The following EXT1 variants were observed in gnomAD, a reference collection of about 807,000 sequenced individuals.
EXT1 encodes exostosin-1.
EXT1 carries 20 observed loss-of-function variants against 82.5 expected under a neutral mutation model. The ratio of observed to expected loss-of-function variants is 0.24; its 90% CI spans 0.17 to 0.35. EXT1 has a LOEUF of 0.35. EXT1 is among the 10% of genes least tolerant of loss of function. EXT1 has a pLI of 1.00. For synonymous variants in EXT1, 348 were observed against 350.8 expected, an observed-to-expected ratio of 0.99 and a Z score of 0.09; for missense variants, 757 against 936.5, an observed-to-expected ratio of 0.81 and a Z score of 2.50.
At chr8:118,068,976 C>T (rs1189750698) in intron 1 of EXT1, among the ~76,000 whole-genome samples, 2 of 152,166 alleles carry the variant, frequency 1.3e-5, no homozygotes, top group Non-Finnish European at 2.9e-5. Flanking sequence ...ATCACGTGAA[C>T]AAGCTAATCT....
chr8:117,924,044 T>A (rs1813909332), intron 1 of EXT1, among the ~76,000 whole-genome samples: 1 of 152,194 alleles, frequency 6.6e-6, no homozygotes, highest in African/African-American at 2.4e-5. Flanking sequence ...GACTCTTGGA[T>A]TAGAGGAATT....
chr8:117,980,698 G>GTTTTTTT (rs1330631748), intron 1 of EXT1, among the ~76,000 whole-genome samples: 1 of 43,848 alleles, frequency 2.3e-5, no homozygotes. Context: ...GGTGTTGGTG[G>GTTTTTTT]TTTTTTTTTT....
chr8:117,818,975 TA>T (rs1269348869), intron 6 of EXT1, among the ~76,000 whole-genome samples: 1 of 152,086 alleles, frequency 6.6e-6, no homozygotes, highest in Admixed American at 6.5e-5. Context: ...GTGGGAGAAA[TA>T]AAAAAATTCA....
chr8:118,055,517 G>A (rs1586366976), intron 1 of EXT1, among the ~76,000 whole-genome samples: 1 of 152,150 alleles, frequency 6.6e-6, no homozygotes, highest in Admixed American at 6.6e-5. Flanking sequence ...TCATACAGCT[G>A]TATTAAATTT....
At position 118,110,802 on chromosome 8, in the gene EXT1, G is replaced by C; in HGVS notation, c.245C>G (p.Pro82Arg). 2 of 1,613,432 alleles carry C rather than the reference G, an allele frequency of 1.2e-6. No individual in the cohort carries two copies. Among genetic ancestry groups the C allele is most frequent in the Non-Finnish European group, 1.7e-6 (2 of 1,179,478 alleles). Residue 82 changes from proline to arginine, a missense_variant, in exon 1 of 11, where the codon CCC (proline) becomes CGC (arginine). Around this residue, in one of 4 missense-constraint regions of EXT1, gnomAD observed 175 missense variants for 159.0 expected, o/e 1.10. Transcript: ENST00000378204. Reference sequence around the variant, plus strand: ...GGAGTTGGCATCTCGCTTCTGCCGGGGGGAAATGTGCACGCTGGAATCCTC... The same window carrying C: ...GGAGTTGGCATCTCGCTTCTGCCGGCGGGAAATGTGCACGCTGGAATCCTC... ...ENEDSSVHIS[P>R]RQKRDANSSI...
chr8:118,046,257 A>G (rs1329865592), intron 1 of EXT1, among the ~76,000 whole-genome samples: 3 of 152,118 alleles, frequency 2.0e-5, no homozygotes, highest in African/African-American at 7.2e-5. Context: ...TGTCAATTTA[A>G]GGAGCAGCAG....
At chr8:118,032,589 C>T (rs1816345405) in intron 1 of EXT1, among the ~76,000 whole-genome samples, 1 of 150,842 alleles carries the variant, frequency 6.6e-6, no homozygotes, top group Non-Finnish European at 1.5e-5. Context: ...CGGCTGACTG[C>T]ATCCTCCGCC....
intron 1 of EXT1, among the ~76,000 whole-genome samples, chr8:118,061,866 G>C (rs1816886393): frequency 1.3e-5 from 2 of 152,130 alleles, no homozygotes; most frequent in Admixed American, 6.5e-5. Context: ...TGTCCCTTAA[G>C]AAAAATTAAT....
At chr8:117,841,013 C>T (rs903510126) in intron 1 of EXT1, among the ~76,000 whole-genome samples, 3 of 152,160 alleles carry the variant, frequency 2.0e-5, no homozygotes, top group Non-Finnish European at 4.4e-5. Context: ...TTTGGCAGTT[C>T]CTTTTCAAAC....
intron 1 of EXT1, among the ~76,000 whole-genome samples, chr8:117,876,392 GA>G (rs1812969887): frequency 6.6e-6 from 1 of 152,312 alleles, no homozygotes; most frequent in East Asian, 1.9e-4. Context: ...ATTTATTTCA[GA>G]AACACCCAAA....
intron 1 of EXT1, among the ~76,000 whole-genome samples, chr8:117,846,323 GTC>G (rs1309708955): frequency 6.6e-6 from 1 of 152,040 alleles, no homozygotes; most frequent in Admixed American, 6.5e-5. Context: ...GGTCAGGCTG[GTC>G]TTGAACTCCT....
Position 117,798,942 on chromosome 8 carries a change from G to T in EXT1, c.*770C>A, listed in dbSNP as rs1436740701. On this transcript the variant is annotated 3_prime_UTR_variant, in exon 11 of 11. Transcript: ENST00000378204. ...TTTCCATCTCACTAACATGCTGGTGGGTTATCTGGATAGTTCTTTGTGCAA... is the reference window on the plus strand; with the variant it reads ...TTTCCATCTCACTAACATGCTGGTGTGTTATCTGGATAGTTCTTTGTGCAA... 1.3e-5 allele frequency: 2 copies of T among 152,058 alleles called. No individual in the cohort carries two copies. The highest frequency in any genetic ancestry group is 2.4e-5 in the African/African-American group (1 of 41,346). 9.4% of individuals were successfully genotyped at this position (152,058 alleles called of 1,614,324 possible).
chr8:117,933,409 C>A (rs535024848), intron 1 of EXT1, among the ~76,000 whole-genome samples: 1 of 152,154 alleles, frequency 6.6e-6, no homozygotes, highest in Admixed American at 6.5e-5. Flanking sequence ...TCACGCCCAG[C>A]TAATTTTTGT....
intron 1 of EXT1, among the ~76,000 whole-genome samples, chr8:117,868,934 G>A (rs1394385198): frequency 2.0e-5 from 3 of 152,170 alleles, no homozygotes; most frequent in African/African-American, 7.2e-5. Context: ...GGAGTAGCCA[G>A]CCCTCAACAG....
intron 1 of EXT1, among the ~76,000 whole-genome samples, chr8:117,927,416 G>GAA (rs557704697): frequency 0.14 from 2,609 of 18,078 alleles, 36 homozygotes; most frequent in Middle Eastern, 0.29. Flanking sequence ...TCCTCTGGGG[G>GAA]AAAAAAAAAA....
chr8:118,045,598 A>T (rs1164067031), intron 1 of EXT1, among the ~76,000 whole-genome samples: 1 of 152,022 alleles, frequency 6.6e-6, no homozygotes, highest in East Asian at 1.9e-4. Flanking sequence ...TCCCTTTAAC[A>T]ATCAGCCTCT....
chr8:117,834,853 T>TA (rs921653550), intron 3 of EXT1, among the ~76,000 whole-genome samples: 5 of 151,384 alleles, frequency 3.3e-5, no homozygotes, highest in African/African-American at 4.9e-5. Context: ...CTTAGTAATT[T>TA]AAAAAAAAAT....
At chr8:117,893,120 A>G (rs1813276550) in intron 1 of EXT1, among the ~76,000 whole-genome samples, 1 of 152,284 alleles carries the variant, frequency 6.6e-6, no homozygotes, top group Admixed American at 6.5e-5. Flanking sequence ...GTGTGCACAG[A>G]AGGCAAGAAT....
chr8:118,000,296 G>C (rs1478809260), intron 1 of EXT1, among the ~76,000 whole-genome samples: 1 of 152,130 alleles, frequency 6.6e-6, no homozygotes, highest in Admixed American at 6.5e-5. Flanking sequence ...CAAACATGCA[G>C]ATATCTACAG....
Sources: gnomAD v4.1 joint callset for allele counts (sites outside exome capture counted in the v4.1 genomes callset) on GRCh38, gnomAD v4.1.1 for gene constraint, gnomAD v4.1.1 regional missense constraint, MANE v1.5 for transcripts, NCBI Gene and HGNC (gene_info 2026-07-23, HGNC 2026-07-21) for gene names.